Variants in ALCAM observed in about 807,000 individuals in gnomAD.
ALCAM encodes activated leukocyte cell adhesion molecule, also known as CD166 antigen.
In ALCAM, 30 loss-of-function variants were observed where a neutral mutation model predicts 70.9. The ratio of observed to expected loss-of-function variants is 0.42; its 90% CI spans 0.32 to 0.57. The LOEUF (loss-of-function observed/expected upper bound fraction) is 0.57. ALCAM is among the 20% of genes least tolerant of loss of function. The pLI is 0.11. For missense variants in ALCAM, 591 were observed against 695.1 expected (o/e 0.85, Z 1.68); for synonymous variants, 249 against 242.5 (o/e 1.03, Z -0.25).
intron 1 of ALCAM, among the ~76,000 whole-genome samples, chr3:105,473,699 AG>A (rs1471386649): frequency 6.6e-6 from 1 of 151,492 alleles, no homozygotes; most frequent in Non-Finnish European, 1.5e-5. Context: ...ATATGCTTAG[AG>A]TTTCTCTCAA....
intron 1 of ALCAM, among the ~76,000 whole-genome samples, chr3:105,491,413 C>A (rs765099361): frequency 1.3e-5 from 2 of 152,344 alleles, no homozygotes; most frequent in South Asian, 2.1e-4. Context: ...CTACAGCTGG[C>A]ATGAATTTCT....
At chr3:105,389,121 C>T (rs906777281) in intron 1 of ALCAM, among the ~76,000 whole-genome samples, 1 of 151,432 alleles carries the variant, frequency 6.6e-6, no homozygotes, top group Non-Finnish European at 1.5e-5. Context: ...TTATTATTTA[C>T]ACAAGAAAAG....
rs747864245 is a variant in ALCAM, at chr3:105,571,962, C to A, written c.*23C>A. 9.0e-6 allele frequency: 14 copies of A among 1,554,606 alleles called. No homozygotes were observed. In the Admixed American group the frequency reaches 1.2e-4, roughly 13 times the overall value. On this transcript the variant is annotated splice_region_variant and 3_prime_UTR_variant, in exon 15 of 16. Transcript: ENST00000306107. ...TAAGAGAGAAACTGTCCTAGTTGTC[C>A]AGGTGAGTAGTCTGTACGAGGTTCA...
intron 1 of ALCAM, among the ~76,000 whole-genome samples, chr3:105,391,326 G>A (rs1340606114): frequency 6.6e-6 from 1 of 151,970 alleles, no homozygotes; most frequent in South Asian, 2.1e-4. Flanking sequence ...CTTGTGTGTT[G>A]TATTCCTAGG....
intron 1 of ALCAM, among the ~76,000 whole-genome samples, chr3:105,479,504 G>A (rs889628772): frequency 2.6e-5 from 4 of 152,104 alleles, no homozygotes; most frequent in Non-Finnish European, 5.9e-5. Context: ...AATGCTTGGA[G>A]CACAGCAGAA....
intron 1 of ALCAM, among the ~76,000 whole-genome samples, chr3:105,452,522 C>T (rs1415678005): frequency 6.6e-6 from 1 of 152,142 alleles, no homozygotes; most frequent in East Asian, 1.9e-4. Flanking sequence ...GTAAATAGCG[C>T]TGCAGTAAAC....
chr3:105,391,570 A>T (rs1289103293), intron 1 of ALCAM, among the ~76,000 whole-genome samples: 1 of 151,960 alleles, frequency 6.6e-6, no homozygotes, highest in African/African-American at 2.4e-5. Context: ...CTATTTGAAT[A>T]TCTTTTATTT....
chr3:105,572,240 C>T (rs75144918), intron 15 of ALCAM, among the ~76,000 whole-genome samples: 3 of 152,158 alleles, frequency 2.0e-5, no homozygotes, highest in African/African-American at 4.8e-5. Flanking sequence ...CCTAGCCCCC[C>T]ACCCCCTGAC....
chr3:105,547,294 T>C lies in ALCAM; in HGVS notation c.1240+10T>C, dbSNP rs755945330. 25 of 1,585,450 alleles carry C rather than the reference T, an allele frequency of 1.6e-5. No individual in the cohort carries two copies. Among genetic ancestry groups the C allele is most frequent in the Non-Finnish European group, 1.9e-5 (22 of 1,167,644 alleles). Reference sequence around the variant, plus strand: ...ACTCTCATTGTAGAAGGTAATAAAATACTTGGGCACTAATTCAAATTGTTC... The same window carrying C: ...ACTCTCATTGTAGAAGGTAATAAAACACTTGGGCACTAATTCAAATTGTTC... On this transcript the variant is annotated intron_variant, in intron 10 of 15. Transcript: ENST00000306107.
chr3:105,453,440 G>A (rs1937482876), intron 1 of ALCAM, among the ~76,000 whole-genome samples: 1 of 152,064 alleles, frequency 6.6e-6, no homozygotes, highest in African/African-American at 2.4e-5. Flanking sequence ...CAATGTCTGT[G>A]GTGTTACCAG....
intron 1 of ALCAM, among the ~76,000 whole-genome samples, chr3:105,502,420 C>T (rs1002337578): frequency 6.6e-6 from 1 of 152,162 alleles, no homozygotes; most frequent in African/African-American, 2.4e-5. Flanking sequence ...AGTCCATGTT[C>T]TTCAGGGCTT....
intron 1 of ALCAM, among the ~76,000 whole-genome samples, chr3:105,489,186 C>CA (rs1938513068): frequency 6.6e-6 from 1 of 152,098 alleles, no homozygotes; most frequent in African/African-American, 2.4e-5. Context: ...GTGTTCTGCT[C>CA]AAAATCAATG....
chr3:105,479,452 T>C (rs1309807516), intron 1 of ALCAM, among the ~76,000 whole-genome samples: 3 of 152,152 alleles, frequency 2.0e-5, no homozygotes, highest in Non-Finnish European at 4.4e-5. Flanking sequence ...ATATCATACA[T>C]AAAATACAAT....
intron 14 of ALCAM, 69 bp from the exon 15 acceptor site, chr3:105,571,783 C>A (rs1940865697): frequency 1.7e-6 from 2 of 1,200,230 alleles, no homozygotes; most frequent in Non-Finnish European, 2.3e-6. Context: ...TAATTCAAAT[C>A]TTAAAATTAA....
At chr3:105,414,424 C>T (rs1936460610) in intron 1 of ALCAM, among the ~76,000 whole-genome samples, 1 of 151,656 alleles carries the variant, frequency 6.6e-6, no homozygotes, top group Non-Finnish European at 1.5e-5. Flanking sequence ...CAAAAACAAA[C>T]AAACAAAAAT....
chr3:105,437,063 A>G (rs1465278705), intron 1 of ALCAM, among the ~76,000 whole-genome samples: 2 of 152,216 alleles, frequency 1.3e-5, no homozygotes, highest in Non-Finnish European at 2.9e-5. Context: ...TTGTGTCCTT[A>G]TGTAACTCTT....
At chr3:105,401,145 G>A (rs145451037) in intron 1 of ALCAM, among the ~76,000 whole-genome samples, 29 of 152,284 alleles carry the variant, frequency 1.9e-4, no homozygotes, top group Admixed American at 1.3e-4. Flanking sequence ...GGCATTGATC[G>A]TTTCTTAGAA....
intron 1 of ALCAM, among the ~76,000 whole-genome samples, chr3:105,505,338 C>A (rs1939042681): frequency 6.6e-6 from 1 of 152,144 alleles, no homozygotes. Flanking sequence ...GGACATCTTA[C>A]ATGGCCAGAG....
intron 1 of ALCAM, among the ~76,000 whole-genome samples, chr3:105,500,605 T>C (rs1029359616): frequency 2.6e-5 from 4 of 152,228 alleles, no homozygotes; most frequent in African/African-American, 9.6e-5. Context: ...TCAGTATCTT[T>C]AAAATACCAA....
Sources: gnomAD v4.1 joint callset for allele counts (sites outside exome capture counted in the v4.1 genomes callset) on GRCh38, gnomAD v4.1.1 for gene constraint, MANE v1.5 for transcripts, NCBI Gene and HGNC (gene_info 2026-07-23, HGNC 2026-07-21) for gene names.